EPB41L1: variants seen among roughly 807,000 people sequenced by gnomAD.
The protein encoded by EPB41L1 is erythrocyte membrane protein band 4.1 like 1.
A neutral mutation model predicts 97.8 loss-of-function variants in EPB41L1; 29 were observed. That is an observed-to-expected ratio of 0.30 (90% confidence interval 0.22 to 0.40). The LOEUF is 0.40. EPB41L1 is among the 10% of genes least tolerant of loss of function. The pLI is 1.00. For missense variants in EPB41L1, 812 were observed against 1,162.3 expected (o/e 0.70, Z 4.38); for synonymous variants, 383 against 459.2 (o/e 0.83, Z 2.12).
intron 1 of EPB41L1, among the ~76,000 whole-genome samples, chr20:36,104,544 A>G (rs1201637060): frequency 6.6e-6 from 1 of 152,098 alleles, no homozygotes; most frequent in Non-Finnish European, 1.5e-5. Context: ...TTTATGGCAG[A>G]GAGAGTGGGG....
intron 2 of EPB41L1, among the ~76,000 whole-genome samples, chr20:36,131,879 T>C (rs1163021886): frequency 1.3e-5 from 2 of 151,886 alleles, no homozygotes; most frequent in Non-Finnish European, 2.9e-5. Flanking sequence ...GTGGGAGGGG[T>C]GGAGGGCCTG....
At chr20:36,164,426 C>G (rs1439353365) in intron 1 of EPB41L1, among the ~76,000 whole-genome samples, 1 of 152,138 alleles carries the variant, frequency 6.6e-6, no homozygotes, top group Non-Finnish European at 1.5e-5. Context: ...GGTGTCTCCT[C>G]CCTCCCCTGC....
intron 9 of EPB41L1, 140 bp downstream of exon 9, chr20:36,188,639 CACAGAGAG>C (rs1425137829): frequency 5.4e-5 from 22 of 410,686 alleles, no homozygotes; most frequent in African/African-American, 4.8e-4. Context: ...CACACACACA[CACAGAGAG>C]AGAGAGAGAG....
intron 1 of EPB41L1, among the ~76,000 whole-genome samples, chr20:36,101,920 G>C (rs1259594850): frequency 6.6e-6 from 1 of 152,016 alleles, no homozygotes; most frequent in African/African-American, 2.4e-5. Flanking sequence ...CAGGAGAATC[G>C]CTTGAACCTG....
At chr20:36,172,827 C>T (rs1377570405) in intron 1 of EPB41L1, among the ~76,000 whole-genome samples, 5 of 152,080 alleles carry the variant, frequency 3.3e-5, no homozygotes, top group Admixed American at 6.5e-5. Flanking sequence ...CTTGAACTGC[C>T]GAACTTAGGT....
At chr20:36,157,294 G>C (rs1465719231) in intron 1 of EPB41L1, among the ~76,000 whole-genome samples, 1 of 152,208 alleles carries the variant, frequency 6.6e-6, no homozygotes, top group African/African-American at 2.4e-5. Flanking sequence ...CACAATCAAA[G>C]TGATAGTATT....
Position 36,190,188 on chromosome 20 carries a change from T to G in EPB41L1, c.1027-89T>G. 1 of 1,109,828 alleles carries G rather than the reference T, an allele frequency of 9.0e-7. No individual in the cohort carries two copies. The highest frequency in any genetic ancestry group is 1.3e-6 in the Non-Finnish European group (1 of 741,958). The allele number at this position is 1,109,828 out of a possible 1,614,324, so 68.7% of individuals were successfully genotyped here. A position where few individuals can be genotyped will look rare whatever the true frequency, so the allele number is the denominator to read the frequency against. On this transcript the variant is annotated intron_variant, in intron 9 of 21. Transcript: ENST00000338074. The surrounding 1 kb of genome is among the most constrained non-coding windows in gnomAD (Gnocchi z 5.8). The stretch of plus-strand genomic sequence containing the variant: ...GAGACCCTGTGTCTCAAAAAAACAT[T>G]AAACAAATAAAATAAAAAACACAAA...
At chr20:36,152,824 G>A (rs536258028), upstream of EPB41L1, 8 of 368,008 alleles carry the variant, frequency 2.2e-5, no homozygotes, top group African/African-American at 1.5e-4. Flanking sequence ...GGAGCTCCTG[G>A]GAAAAAGTGA....
At chr20:36,122,180 C>T (rs898264710) in intron 2 of EPB41L1, among the ~76,000 whole-genome samples, 47 of 152,148 alleles carry the variant, frequency 3.1e-4, no homozygotes, top group African/African-American at 1.1e-3. Flanking sequence ...GTCTCCATGT[C>T]ATTTGTCATG....
chr20:36,117,294 C>T lies in EPB41L1; in HGVS notation c.-10+4814C>T, dbSNP rs571073623. 7.2e-5 allele frequency among the ~76,000 whole-genome samples: 11 copies of T among 152,264 alleles called. 1 individual carries two copies. The South Asian group carries it at 1.5e-3, about 20-fold the overall frequency. On this transcript the variant is annotated intron_variant, in intron 2 of 19. Coordinates refer to the EPB41L1 transcript ENST00000202028. ...ACTCAGGCCTCAGGAATGTTGCCCACGTAAGGTCCAGACATCCAGTATTTC... is the reference window on the plus strand; with the variant it reads ...ACTCAGGCCTCAGGAATGTTGCCCATGTAAGGTCCAGACATCCAGTATTTC...
chr20:36,104,786 C>T (rs191513906), intron 1 of EPB41L1, among the ~76,000 whole-genome samples: 62 of 152,310 alleles, frequency 4.1e-4, no homozygotes, highest in Non-Finnish European at 1.3e-4. Context: ...CCTCATGCCA[C>T]GCTATGCAGG....
intron 1 of EPB41L1, among the ~76,000 whole-genome samples, chr20:36,160,088 C>T (rs2060468444): frequency 6.6e-6 from 1 of 151,982 alleles, no homozygotes; most frequent in African/African-American, 2.4e-5. Flanking sequence ...GGAAAGAAGA[C>T]CCATAAGATT....
At chr20:36,115,973 G>A (rs775685727) in intron 2 of EPB41L1, among the ~76,000 whole-genome samples, 9 of 152,222 alleles carry the variant, frequency 5.9e-5, no homozygotes, top group African/African-American at 9.7e-5. Context: ...GGGAAACTGA[G>A]GCTCAGAGGG....
At chr20:36,127,446 C>A (rs1413382053) in intron 2 of EPB41L1, among the ~76,000 whole-genome samples, 3 of 152,138 alleles carry the variant, frequency 2.0e-5, no homozygotes, top group African/African-American at 7.2e-5. Flanking sequence ...AGGCTGGAGT[C>A]CCCATGGATG....
At chr20:36,169,118 C>T (rs1031229345) in intron 1 of EPB41L1, among the ~76,000 whole-genome samples, 7 of 150,416 alleles carry the variant, frequency 4.7e-5, no homozygotes, top group Non-Finnish European at 8.9e-5. Flanking sequence ...CCCAGTTACT[C>T]GGGAGGCTGA....
At chr20:36,229,066 A>G (rs2064356701) in intron 21 of EPB41L1, among the ~76,000 whole-genome samples, 1 of 152,118 alleles carries the variant, frequency 6.6e-6, no homozygotes, top group African/African-American at 2.4e-5. Flanking sequence ...ATAGCTACTC[A>G]CAGGCATGAT....
upstream of EPB41L1, chr20:36,152,560 T>C (rs527693208): frequency 4.8e-4 from 86 of 177,474 alleles, 1 homozygote; most frequent in African/African-American, 1.9e-3. Flanking sequence ...GAGCCCACGA[T>C]TGGGAAGGCT....
At chr20:36,155,063 C>G (rs971119705) in intron 1 of EPB41L1, 167 bp downstream of exon 1, 16 of 634,798 alleles carry the variant, frequency 2.5e-5, no homozygotes, top group African/African-American at 3.8e-5. Flanking sequence ...CCCTACCTAC[C>G]GGTCTGCAGC....
At position 36,190,873 on chromosome 20, in the gene EPB41L1, C is replaced by T; in HGVS notation, c.1300+76C>T. 1.3e-6 allele frequency: 2 copies of T among 1,566,302 alleles called. No individual in the cohort carries two copies. Among genetic ancestry groups the T allele is most frequent in the Non-Finnish European group, 1.7e-6 (2 of 1,156,204 alleles). On this transcript the variant is annotated intron_variant, in intron 11 of 21. Transcript: ENST00000338074. This position sits in a 1 kb window ranked among gnomAD's most constrained non-coding sequence, Gnocchi z 5.8. ...GGGGGAGTGGGCATGCTGGGTTCTG[C>T]AGAATGAGCAGGAAAATGGTAGATG...
Sources: allele counts gnomAD v4.1 joint callset (sites outside exome capture counted in the v4.1 genomes callset), GRCh38; gene constraint gnomAD v4.1.1; non-coding constraint Gnocchi (gnomAD v3.1); transcripts MANE v1.5; gene names NCBI Gene and HGNC (gene_info 2026-07-23, HGNC 2026-07-21).